The following CACNA2D1 variants were observed in gnomAD, a reference collection of about 807,000 sequenced individuals.
CACNA2D1 encodes the protein calcium voltage-gated channel auxiliary subunit alpha2delta 1.
In CACNA2D1, 53 loss-of-function variants were observed where a neutral mutation model predicts 171.5. That is an observed-to-expected ratio of 0.31 (90% CI 0.25 to 0.39). The LOEUF is 0.39. Among genes scored for constraint, CACNA2D1 ranks in the 10% least tolerant of loss-of-function variants. CACNA2D1 has a pLI of 1.00. For synonymous variants in CACNA2D1, 442 were observed against 443.1 expected (o/e 1.00, Z 0.03); for missense variants, 903 against 1,299.8 (o/e 0.69, Z 4.69).
At chr7:82,423,253 C>G (rs1042352956) in intron 1 of CACNA2D1, among the ~76,000 whole-genome samples, 1 of 152,022 alleles carries the variant, frequency 6.6e-6, no homozygotes, top group Non-Finnish European at 1.5e-5. Flanking sequence ...AGAGAGAACT[C>G]AACCTGCCCC....
At chr7:82,081,012 C>T (rs1809690818) in intron 7 of CACNA2D1, among the ~76,000 whole-genome samples, 1 of 152,130 alleles carries the variant, frequency 6.6e-6, no homozygotes, top group East Asian at 1.9e-4. Context: ...TATTAATGTT[C>T]CACTTTTTCA....
intron 6 of CACNA2D1, among the ~76,000 whole-genome samples, chr7:82,111,488 C>T (rs1788464269): frequency 7.6e-6 from 1 of 131,090 alleles, no homozygotes; most frequent in East Asian, 2.2e-4. Flanking sequence ...CACTCTGTCA[C>T]CCAGACTGGA....
In CACNA2D1 at chr7:81,947,604, C is replaced by T. The variant is rs1264503605; in HGVS notation, c.*2788G>A. ...GCTCACTTGAACTCTGTTTTAGTGA[C>T]TAACTACACTAAGCCACATGAGTAT... On this transcript the variant is annotated 3_prime_UTR_variant, in exon 39 of 39. Coordinates refer to ENST00000356860, the MANE Select transcript of CACNA2D1 (RefSeq NM_000722.4). 6.6e-6 allele frequency: 1 copy of T among 151,860 alleles called. No individual in the cohort carries two copies. Among genetic ancestry groups the T allele is most frequent in the Non-Finnish European group, 1.5e-5 (1 of 67,862 alleles). The allele number at this position is 151,860 out of a possible 1,614,324, so 9.4% of individuals were successfully genotyped here.
At chr7:82,353,479 C>T (rs983228787) in intron 1 of CACNA2D1, among the ~76,000 whole-genome samples, 1 of 152,066 alleles carries the variant, frequency 6.6e-6, no homozygotes, top group African/African-American at 2.4e-5. Flanking sequence ...GGGTTTAAAG[C>T]TCTTGAAAGA....
At chr7:82,421,418 C>A (rs910043894) in intron 1 of CACNA2D1, among the ~76,000 whole-genome samples, 12 of 152,192 alleles carry the variant, frequency 7.9e-5, no homozygotes, top group African/African-American at 2.9e-4. Flanking sequence ...TGCTAATAAA[C>A]TCTCTTTAAA....
At chr7:81,959,661 A>T in intron 37 of CACNA2D1, 59 bp downstream of exon 37, 2 of 1,516,914 alleles carry the variant, frequency 1.3e-6, no homozygotes, top group Non-Finnish European at 1.8e-6. Context: ...CAATGTGACA[A>T]GATTCAAAAT....
rs372604030 is a variant in CACNA2D1 at position 82,111,255 on chromosome 7, G to GAT, written c.526+5787_526+5788dup. 6.0e-3 allele frequency among the ~76,000 whole-genome samples: 833 copies of GAT among 139,346 alleles called. 7 individuals carry two copies. Among genetic ancestry groups the GAT allele is most frequent in the African/African-American group, 0.018 (656 of 36,736 alleles). 91.4% of individuals were successfully genotyped at this position (139,346 alleles called of 152,430 possible). A position where few individuals can be genotyped will look rare whatever the true frequency, so the allele number is the denominator to read the frequency against. On this transcript the variant is annotated intron_variant, in intron 6 of 38. Coordinates refer to ENST00000356860, the MANE Select transcript of CACNA2D1 (RefSeq NM_000722.4). ...TCCTAGTTATGATGAACTTTTCCTTGATATATATATATACACACACATATA... is the reference window on the plus strand; with the variant it reads ...TCCTAGTTATGATGAACTTTTCCTTGATATATATATATATACACACACATATA...
chr7:82,284,407 T>A (rs2129381656), intron 3 of CACNA2D1, among the ~76,000 whole-genome samples: 1 of 152,284 alleles, frequency 6.6e-6, no homozygotes, highest in South Asian at 2.1e-4. Context: ...GTATTTACTA[T>A]TTTCCCTCTT....
chr7:82,076,263 T>A (rs1808952679), intron 7 of CACNA2D1, among the ~76,000 whole-genome samples: 1 of 152,054 alleles, frequency 6.6e-6, no homozygotes, highest in Non-Finnish European at 1.5e-5. Flanking sequence ...GTAAAATGCA[T>A]CCCCACACAA....
At chr7:82,374,288 C>T (rs183535466) in intron 1 of CACNA2D1, among the ~76,000 whole-genome samples, 4 of 152,264 alleles carry the variant, frequency 2.6e-5, no homozygotes, top group Admixed American at 2.6e-4. Context: ...AACTTGACAC[C>T]TAATTAAGCA....
At chr7:82,369,363 T>C (rs1212491313) in intron 1 of CACNA2D1, among the ~76,000 whole-genome samples, 2 of 151,590 alleles carry the variant, frequency 1.3e-5, no homozygotes, top group African/African-American at 4.8e-5. Context: ...GTAGGGACTT[T>C]TTCATCTAGT....
intron 6 of CACNA2D1, among the ~76,000 whole-genome samples, chr7:82,105,142 T>C (rs1265799575): frequency 1.3e-5 from 2 of 152,174 alleles, no homozygotes; most frequent in Admixed American, 6.5e-5. Context: ...CTGAAGGTAA[T>C]TTCAAAAGAG....
intron 34 of CACNA2D1, among the ~76,000 whole-genome samples, chr7:81,963,191 T>C (rs1003396321): frequency 6.6e-6 from 1 of 151,982 alleles, no homozygotes; most frequent in Non-Finnish European, 1.5e-5. Flanking sequence ...TTTTTCAGAA[T>C]AAAACAGAAT....
intron 24 of CACNA2D1, among the ~76,000 whole-genome samples, chr7:81,976,265 T>C (rs1475106756): frequency 6.6e-6 from 1 of 152,198 alleles, no homozygotes; most frequent in Non-Finnish European, 1.5e-5. Context: ...TTTAGTTTTT[T>C]CTAATTCTGT....
chr7:82,012,253 G>GTAAAA lies in CACNA2D1; in HGVS notation c.1273-11_1273-10insTTTTA. The GTAAAA allele has an allele frequency of 4.6e-6, 6 of 1,297,798 alleles. No individual in the cohort carries two copies. Among genetic ancestry groups the GTAAAA allele is most frequent in the Non-Finnish European group, 6.3e-6 (6 of 950,936 alleles). 80.4% of individuals were successfully genotyped at this position (1,297,798 alleles called of 1,614,324 possible). On this transcript the variant is annotated splice_polypyrimidine_tract_variant and intron_variant, in intron 14 of 38. Coordinates refer to ENST00000356860, the MANE Select transcript of CACNA2D1 (RefSeq NM_000722.4). ...AAACATCCAAATATTCCTGTTTATG[G>GTAAAA]GAAAAAAAAAAAAAGTCGTGGTTAA...
intron 3 of CACNA2D1, among the ~76,000 whole-genome samples, chr7:82,245,184 TGCACA>T (rs1804758674): frequency 1.3e-5 from 2 of 152,192 alleles, no homozygotes; most frequent in Admixed American, 6.5e-5. Flanking sequence ...ATGTCTTGCT[TGCACA>T]GCAATTCTGT....
At chr7:82,054,570 T>C (rs930744455) in intron 10 of CACNA2D1, among the ~76,000 whole-genome samples, 5 of 152,214 alleles carry the variant, frequency 3.3e-5, no homozygotes, top group Admixed American at 3.3e-4. Context: ...TCTAAGTCTT[T>C]CCTAGAGTTA....
chr7:81,970,902 GA>G, intron 26 of CACNA2D1, 165 bp from the exon 27 acceptor site: 1 of 599,718 alleles, frequency 1.7e-6, no homozygotes, highest in Non-Finnish European at 3.0e-6. Flanking sequence ...ATTTGTACTT[GA>G]AGGATGTTTA....
At chr7:82,353,765 T>C (rs2129446386) in intron 1 of CACNA2D1, among the ~76,000 whole-genome samples, 1 of 152,134 alleles carries the variant, frequency 6.6e-6, no homozygotes, top group Middle Eastern at 3.4e-3. Context: ...ACATGGAGAA[T>C]GAGGAATCAG....
Sources: allele counts gnomAD v4.1 joint callset (sites outside exome capture counted in the v4.1 genomes callset), GRCh38; gene constraint gnomAD v4.1.1; transcripts MANE v1.5; gene names NCBI Gene and HGNC (gene_info 2026-07-23, HGNC 2026-07-21).